Variants in XKR9 observed in about 807,000 individuals in gnomAD.
The protein encoded by XKR9 is XK related 9, also known as XK-related protein 9.
In XKR9, 32 loss-of-function variants were observed where a neutral mutation model predicts 32.0. The observed-to-expected ratio is 1.00, with a 90% CI of 0.76 to 1.34. The LOEUF (loss-of-function observed/expected upper bound fraction) is 1.34. Ranked by LOEUF, XKR9 falls within the 40% of genes most tolerant of loss-of-function variation. XKR9 has a pLI of 0.00. For missense variants in XKR9, 546 were observed against 429.7 expected (o/e 1.27, Z -2.39); for synonymous variants, 168 against 143.4 (o/e 1.17, Z -1.22).
At chr8:70,928,882 G>C in the XKR9 span, among the ~76,000 whole-genome samples, 1 of 152,198 alleles carries the variant, frequency 6.6e-6, no homozygotes, top group African/African-American at 2.4e-5. Flanking sequence ...GGAGTTGAGA[G>C]AGACAGGGTG....
chr8:71,004,122 T>C, the XKR9 span, among the ~76,000 whole-genome samples: 1 of 152,074 alleles, frequency 6.6e-6, no homozygotes, highest in African/African-American at 2.4e-5. Context: ...TTGGCTGGGG[T>C]CATCCCGTGG....
the XKR9 span, among the ~76,000 whole-genome samples, chr8:70,915,929 A>G: frequency 2.0e-5 from 3 of 152,204 alleles, no homozygotes; most frequent in Non-Finnish European, 2.9e-5. Context: ...GATTAAGTCA[A>G]CCACAAGCTA....
chr8:70,733,859 T>C lies in XKR9; in HGVS notation c.557T>C (p.Leu186Ser). The C allele has an allele frequency of 6.2e-7, 1 of 1,608,860 alleles. No homozygotes were observed. Among genetic ancestry groups the C allele is most frequent in the Non-Finnish European group, 8.5e-7 (1 of 1,178,646 alleles). ...SWSTVDYQVA[L>S]RKSLPDKKLL... ...TCAACTGTTGATTATCAAGTAGCTTTAAGAAAATCCTTGCCTGACAAAAAG... is the reference window on the plus strand; with the variant it reads ...TCAACTGTTGATTATCAAGTAGCTTCAAGAAAATCCTTGCCTGACAAAAAG... Residue 186 changes from leucine to serine, a missense_variant, in exon 5 of 5, where the codon TTA becomes TCA. Coordinates refer to ENST00000408926, the MANE Select transcript of XKR9 (RefSeq NM_001011720.2).
At chr8:70,814,146 A>G in the XKR9 span, among the ~76,000 whole-genome samples, 7 of 152,172 alleles carry the variant, frequency 4.6e-5, no homozygotes, top group Non-Finnish European at 1.5e-5. Flanking sequence ...CTTTGCAGGG[A>G]CATGGATGAA....
chr8:70,885,733 A>G, the XKR9 span, among the ~76,000 whole-genome samples: 1 of 152,070 alleles, frequency 6.6e-6, no homozygotes, highest in Admixed American at 6.6e-5. Flanking sequence ...AGTAGCTGGG[A>G]CTACAGGCAC....
chr8:70,935,714 T>A, the XKR9 span, among the ~76,000 whole-genome samples: 1 of 152,052 alleles, frequency 6.6e-6, no homozygotes, highest in Non-Finnish European at 1.5e-5. Flanking sequence ...AGCTGTTAAC[T>A]CAGATTTGAA....
At chr8:71,055,242 C>A in the XKR9 span, among the ~76,000 whole-genome samples, 1 of 152,064 alleles carries the variant, frequency 6.6e-6, no homozygotes, top group Non-Finnish European at 1.5e-5. Context: ...GCTGTGTCTC[C>A]CTCCAAGATT....
chr8:70,907,385 C>T, the XKR9 span, among the ~76,000 whole-genome samples: 1 of 152,134 alleles, frequency 6.6e-6, no homozygotes, highest in Non-Finnish European at 1.5e-5. Flanking sequence ...TTTTACATGG[C>T]TTTTCAAAAC....
At chr8:70,724,282 G>A (rs998006353) in intron 4 of XKR9, among the ~76,000 whole-genome samples, 3 of 152,166 alleles carry the variant, frequency 2.0e-5, no homozygotes, top group African/African-American at 7.2e-5. Flanking sequence ...TGCTGGCAGC[G>A]AGAATTTCAA....
At chr8:70,832,392 C>A in the XKR9 span, among the ~76,000 whole-genome samples, 1 of 151,934 alleles carries the variant, frequency 6.6e-6, no homozygotes, top group Non-Finnish European at 1.5e-5. Context: ...ACACAAATAA[C>A]GTTTTGAGTG....
At chr8:70,779,746 G>A (rs1807589387) in intron 2 of XKR9, among the ~76,000 whole-genome samples, 1 of 152,092 alleles carries the variant, frequency 6.6e-6, no homozygotes, top group Non-Finnish European at 1.5e-5. Context: ...TTGCTTAGAG[G>A]TGTTTATAGT....
intron 3 of XKR9, among the ~76,000 whole-genome samples, chr8:70,693,839 C>A (rs971708057): frequency 3.9e-5 from 6 of 152,300 alleles, no homozygotes; most frequent in Admixed American, 6.5e-5. Flanking sequence ...CACTTGGGAT[C>A]TTTGCTCCTT....
chr8:71,026,613 G>C, the XKR9 span, among the ~76,000 whole-genome samples: 2 of 152,176 alleles, frequency 1.3e-5, no homozygotes, highest in South Asian at 2.1e-4. Context: ...TTATTTGCCT[G>C]TACACAGCAA....
At chr8:71,058,376 C>G in the XKR9 span, among the ~76,000 whole-genome samples, 59,457 of 151,862 alleles carry the variant, frequency 0.39, 13,538 homozygotes, top group Non-Finnish European at 0.53. Context: ...GGGACAGTCA[C>G]TACCTCTGTT....
chr8:70,707,175 GT>G (rs1405075771), intron 4 of XKR9, 22 bp downstream of exon 4: 3 of 1,592,444 alleles, frequency 1.9e-6, no homozygotes, highest in Non-Finnish European at 2.6e-6. Context: ...TTAACTCCTT[GT>G]GTTAAATGGA....
Position 70,687,322 on chromosome 8 carries a change from CTT to C in XKR9, c.272+5994_272+5995del, listed in dbSNP as rs774894855. ...TTCTTTCTCTCCTCCCTCTTTCTTT[CTT>C]TCTTTCTTTCTTTCTTTCTTTCTTT... is the stretch of plus-strand genomic sequence containing the variant. On this transcript the variant is annotated intron_variant, in intron 3 of 4. Coordinates refer to ENST00000408926, the MANE Select transcript of XKR9 (RefSeq NM_001011720.2). 1.3e-4 allele frequency among the ~76,000 whole-genome samples: 13 copies of C among 100,848 alleles called. No homozygotes were observed. The East Asian group carries it at 2.7e-3, about 21-fold the overall frequency. 66.2% of individuals were successfully genotyped at this position (100,848 alleles called of 152,430 possible). A position where few individuals can be genotyped will look rare whatever the true frequency, so the allele number is the denominator to read the frequency against.
At chr8:70,810,291 C>G in the XKR9 span, among the ~76,000 whole-genome samples, 1 of 152,132 alleles carries the variant, frequency 6.6e-6, no homozygotes, top group Non-Finnish European at 1.5e-5. Flanking sequence ...CTGAAGGAAG[C>G]ACTAAACATG....
chr8:70,942,290 T>G, the XKR9 span, among the ~76,000 whole-genome samples: 1 of 152,170 alleles, frequency 6.6e-6, no homozygotes, highest in Non-Finnish European at 1.5e-5. Flanking sequence ...AAAGCGATCT[T>G]AGTTGATGAC....
the XKR9 span, among the ~76,000 whole-genome samples, chr8:71,047,651 T>C: frequency 3.9e-5 from 6 of 152,214 alleles, no homozygotes; most frequent in African/African-American, 1.4e-4. Flanking sequence ...CTTATCTTTA[T>C]TTTAAAAGTT....
Sources: allele counts gnomAD v4.1 joint callset (sites outside exome capture counted in the v4.1 genomes callset), GRCh38; gene constraint gnomAD v4.1.1; transcripts MANE v1.5; gene names NCBI Gene and HGNC (gene_info 2026-07-23, HGNC 2026-07-21).